Variants in BIN1 observed in about 807,000 individuals in gnomAD.
BIN1 encodes the protein myc box-dependent-interacting protein 1.
Under a neutral mutation model 82.0 loss-of-function variants are expected in BIN1, and 53 were observed. The observed-to-expected ratio is 0.65, with a 90% CI of 0.52 to 0.81. The LOEUF (loss-of-function observed/expected upper bound fraction) is 0.81. Ranked by LOEUF, BIN1 falls within the 40% of genes least tolerant of loss-of-function variation. The probability of loss-of-function intolerance (pLI) is 0.00; values close to 1 mark genes in which losing one functional copy is unlikely to be tolerated. For synonymous variants in BIN1, 302 were observed against 328.0 expected, an observed-to-expected ratio of 0.92 and a Z score of 0.86; for missense variants, 642 against 784.4, an observed-to-expected ratio of 0.82 and a Z score of 2.17.
At chr2:127,103,267 G>A (rs1200216913) in intron 1 of BIN1, among the ~76,000 whole-genome samples, 1 of 152,168 alleles carries the variant, frequency 6.6e-6, no homozygotes, top group Non-Finnish European at 1.5e-5. Flanking sequence ...TTGGTGTACA[G>A]GCCTGGCTCC....
At chr2:127,072,218 C>T (rs551926182) in intron 2 of BIN1, among the ~76,000 whole-genome samples, 5 of 152,346 alleles carry the variant, frequency 3.3e-5, no homozygotes, top group East Asian at 1.9e-4. Flanking sequence ...AGCAGGGACC[C>T]GGCCACATCC....
intron 2 of BIN1, among the ~76,000 whole-genome samples, chr2:127,072,195 C>G (rs112207767): frequency 1.4e-4 from 21 of 152,358 alleles, no homozygotes; most frequent in African/African-American, 5.0e-4. Flanking sequence ...AGGTCCACCT[C>G]CAGGTGAAGG....
chr2:127,057,461 GC>G lies in BIN1; in HGVS notation c.1131+11del, dbSNP rs1359828532. On this transcript the variant is annotated intron_variant, in intron 12 of 18. Transcript: ENST00000316724. The surrounding 1 kb of genome is among the most constrained non-coding windows in gnomAD (Gnocchi z 5.0). ...AAGAGAGGAGAGCTGGGCCGCGGCG[GC>G]CGCGGCTGACCTGGGAGGGGGTGGT... 6.5e-7 allele frequency: 1 copy of G among 1,543,458 alleles called. No homozygotes were observed. Among genetic ancestry groups the G allele is most frequent in the Non-Finnish European group, 8.8e-7 (1 of 1,142,660 alleles).
At position 127,105,379 on chromosome 2, in the gene BIN1, C is replaced by A. The variant is rs968987626; in HGVS notation, c.84+1481G>T. Among the ~76,000 whole-genome samples the A allele has an allele frequency of 2.0e-5, 3 of 152,014 alleles. No individual in the cohort carries two copies. The East Asian group carries it at 5.8e-4, about 29-fold the overall frequency. On this transcript the variant is annotated intron_variant, in intron 1 of 18. Transcript: ENST00000316724. ...ATTACCCAGTCATGGCAGCCCGGAG[C>A]AGGGGTGGCTGCATCTGTGCTGCCA...
chr2:127,096,518 C>A (rs1475914810), intron 1 of BIN1, among the ~76,000 whole-genome samples: 1 of 152,200 alleles, frequency 6.6e-6, no homozygotes, highest in African/African-American at 2.4e-5. Context: ...AGCGGGGGAG[C>A]AGCCCCAAGG....
In BIN1 at chr2:127,107,031, G is replaced by A. The variant is rs1573851403; in HGVS notation, c.-88C>T. On this transcript the variant is annotated 5_prime_UTR_variant, in exon 1 of 19. Coordinates refer to ENST00000316724, the MANE Select transcript of BIN1 (RefSeq NM_139343.3). This position sits in a 1 kb window ranked among gnomAD's most constrained non-coding sequence, Gnocchi z 5.9. ...GCTCCCAGCCCCCAGCCCCGGCCGCGCGTCCAGACCGGCTGCCGCTCCACG... is the reference window on the plus strand; with the variant it reads ...GCTCCCAGCCCCCAGCCCCGGCCGCACGTCCAGACCGGCTGCCGCTCCACG... 5 of 1,335,234 alleles carry A rather than the reference G, an allele frequency of 3.7e-6. No individual in the cohort carries two copies. Among genetic ancestry groups the A allele is most frequent in the South Asian group, 3.4e-5 (2 of 59,626 alleles). The allele number at this position is 1,335,234 out of a possible 1,614,324, so 82.7% of individuals were successfully genotyped here. A position where few individuals can be genotyped will look rare whatever the true frequency, so the allele number is the denominator to read the frequency against.
chr2:127,051,058 G>T, intron 16 of BIN1, 96 bp downstream of exon 16: 2 of 1,553,470 alleles, frequency 1.3e-6, no homozygotes, highest in East Asian at 4.5e-5. Context: ...ACAGGAGCCA[G>T]GCCTGGACCA....
chr2:127,054,082 A>C (rs904017312), intron 12 of BIN1, 70 bp from the exon 13 acceptor site: 1 of 1,334,918 alleles, frequency 7.5e-7, no homozygotes, highest in Non-Finnish European at 1.1e-6. Context: ...CCCCAGGCAG[A>C]CACTGCAGGC....
chr2:127,059,265 T>G lies in BIN1; in HGVS notation c.858-110A>C, dbSNP rs551810270. 16 of 1,252,892 alleles carry G rather than the reference T, an allele frequency of 1.3e-5. No homozygotes were observed. In the East Asian group the frequency reaches 4.0e-4, roughly 31 times the overall value. 77.6% of individuals were successfully genotyped at this position (1,252,892 alleles called of 1,614,324 possible). A position where few individuals can be genotyped will look rare whatever the true frequency, so the allele number is the denominator to read the frequency against. ...GAAGAGGTGTGTGCATATGGAGGTG[T>G]GAAACTGTGTGTGTGTGTGTGTGTG... is the stretch of plus-strand genomic sequence containing the variant. On this transcript the variant is annotated intron_variant, in intron 10 of 18. Transcript: ENST00000316724. This position sits in a 1 kb window ranked among gnomAD's most constrained non-coding sequence, Gnocchi z 6.7.
chr2:127,105,504 T>TCCTCCTCCTCCTC (rs1558897127), intron 1 of BIN1, among the ~76,000 whole-genome samples: 1 of 117,082 alleles, frequency 8.5e-6, no homozygotes, highest in African/African-American at 3.1e-5. Context: ...TCCTCCTCCT[T>TCCTCCTCCTCCTC]CCCTGGGGTG....
chr2:127,088,557 G>A (rs948027187), intron 1 of BIN1, among the ~76,000 whole-genome samples: 2 of 152,136 alleles, frequency 1.3e-5, no homozygotes, highest in Non-Finnish European at 2.9e-5. Context: ...GCAACATAGT[G>A]AGATCCTACC....
chr2:127,071,089 C>T (rs375676625), intron 2 of BIN1, among the ~76,000 whole-genome samples: 34 of 152,290 alleles, frequency 2.2e-4, no homozygotes, highest in African/African-American at 7.9e-4. Context: ...CAAAGACCCC[C>T]CTCCGAGATG....
At chr2:127,097,799 T>C (rs12617750) in intron 1 of BIN1, among the ~76,000 whole-genome samples, 89,915 of 151,992 alleles carry the variant, frequency 0.59, 26,812 homozygotes, top group African/African-American at 0.64. Flanking sequence ...CCAAGGGCCC[T>C]GGGCTACAGC....
At position 127,073,233 on chromosome 2, in the gene BIN1, C is replaced by T. The variant is rs562641705; in HGVS notation, c.166-2417G>A. Among the ~76,000 whole-genome samples, 7 of 152,350 alleles carry T rather than the reference C, an allele frequency of 4.6e-5. No individual in the cohort carries two copies. The South Asian group carries it at 1.4e-3, about 32-fold the overall frequency. On this transcript the variant is annotated intron_variant, in intron 2 of 18. Transcript: ENST00000316724. ...TCCTCATCAGTCCCCAGGGTAGACA[C>T]AGCCCTCCCCCGACGGAGGCCCCAG...
At chr2:127,051,479 G>A (rs1261805446) in intron 15 of BIN1, among the ~76,000 whole-genome samples, 11 of 152,116 alleles carry the variant, frequency 7.2e-5, no homozygotes, top group African/African-American at 2.7e-4. Context: ...AGGGATGTGA[G>A]TGACAATGCT....
At chr2:127,063,035 C>T (rs1276532335) in intron 9 of BIN1, among the ~76,000 whole-genome samples, 1 of 152,192 alleles carries the variant, frequency 6.6e-6, no homozygotes, top group Non-Finnish European at 1.5e-5. Context: ...GTCTCTCCAA[C>T]TGCAAAGTTC....
chr2:127,051,570 G>A (rs916382079), intron 15 of BIN1, among the ~76,000 whole-genome samples: 18 of 152,072 alleles, frequency 1.2e-4, no homozygotes, highest in Non-Finnish European at 2.1e-4. Context: ...CCAAGACCTC[G>A]CCCAGCCACA....
rs547591539 is a variant in BIN1 at position 127,067,308 on chromosome 2, T to C, written c.612+855A>G. 1.8e-3 allele frequency among the ~76,000 whole-genome samples: 275 copies of C among 152,306 alleles called. 2 individuals carry two copies. The highest frequency in any genetic ancestry group is 6.2e-3 in the African/African-American group (256 of 41,554). Reference sequence around the variant, plus strand: ...GCTGTGACTACACTGACCTGAAATGTGCCTCAGTTTCATTGGCGAGAAAAC... The same window carrying C: ...GCTGTGACTACACTGACCTGAAATGCGCCTCAGTTTCATTGGCGAGAAAAC... On this transcript the variant is annotated intron_variant, in intron 7 of 18. Transcript: ENST00000316724. The surrounding 1 kb of genome is among the most constrained non-coding windows in gnomAD (Gnocchi z 4.7).
chr2:127,076,771 G>T, intron 1 of BIN1, 65 bp from the exon 2 acceptor site: 1 of 1,569,794 alleles, frequency 6.4e-7, no homozygotes, highest in Admixed American at 1.7e-5. Flanking sequence ...AACCAAGAGT[G>T]CTCAGTCACC....
Sources: allele counts gnomAD v4.1 joint callset (sites outside exome capture counted in the v4.1 genomes callset), GRCh38; gene constraint gnomAD v4.1.1; non-coding constraint Gnocchi (gnomAD v3.1); transcripts MANE v1.5; gene names NCBI Gene and HGNC (gene_info 2026-07-23, HGNC 2026-07-21).